Variants in DTX3 observed in about 807,000 individuals in gnomAD.
DTX3 encodes E3 ubiquitin-protein ligase DTX3.
A neutral mutation model predicts 27.4 loss-of-function variants in DTX3; 10 were observed. The observed-to-expected ratio is 0.36, with a 90% CI of 0.22 to 0.62. DTX3 has a LOEUF of 0.62. Among genes scored for constraint, DTX3 ranks in the 20% least tolerant of loss-of-function variants. The pLI is 0.68. For missense variants in DTX3, 319 were observed against 463.8 expected, an observed-to-expected ratio of 0.69 and a Z score of 2.87; for synonymous variants, 171 against 190.7, an observed-to-expected ratio of 0.90 and a Z score of 0.85.
rs1230911533 is a variant in DTX3 at position 57,609,120 on chromosome 12, G to T, written c.1012G>T (p.Glu338Ter). The change falls in exon 7 of 7, where the codon GAG (glutamate) becomes TAG (stop). Residue 338 changes from glutamate (E) to a stop codon, truncating the protein, a stop_gained. Transcript: ENST00000337737. LOFTEE classifies it high-confidence loss of function. ...DPTYLTRVQE[E>*]LRAKGITDD is the part of the protein sequence containing the mutation. ...CACCTACCTGACCCGGGTGCAAGAG[G>T]AGCTGAGAGCGAAGGGTATCACAGA... 1 of 1,614,006 alleles carries T rather than the reference G, an allele frequency of 6.2e-7. No homozygotes were observed. The highest frequency in any genetic ancestry group is 8.5e-7 in the Non-Finnish European group (1 of 1,180,024).
At position 57,609,116 on chromosome 12, in the gene DTX3, A is replaced by G. The variant is rs780137012; in HGVS notation, c.1008A>G (p.Gln336=). The change falls in exon 7 of 7, where the codon CAA becomes CAG. Residue 336 remains glutamine (Q), a synonymous_variant. Transcript: ENST00000337737. ...YPDPTYLTRV[Q]EELRAKGITD... ...ACCCCACCTACCTGACCCGGGTGCA[A>G]GAGGAGCTGAGAGCGAAGGGTATCA... 6.2e-7 allele frequency: 1 copy of G among 1,614,064 alleles called. No homozygotes were observed. Among genetic ancestry groups the G allele is most frequent in the Non-Finnish European group, 8.5e-7 (1 of 1,180,010 alleles).
intron 6 of DTX3, 71 bp from the exon 7 acceptor site, chr12:57,609,006 A>T: frequency 1.4e-6 from 2 of 1,417,014 alleles, no homozygotes; most frequent in Non-Finnish European, 2.0e-6. Flanking sequence ...ACCTAGAATG[A>T]GGGTGAGCAT....
At position 57,608,468 on chromosome 12, in the gene DTX3, G is replaced by A; in HGVS notation, c.751-52G>A. The A allele has an allele frequency of 6.6e-7, 1 of 1,514,140 alleles. No individual in the cohort carries two copies. Among genetic ancestry groups the A allele is most frequent in the Non-Finnish European group, 9.0e-7 (1 of 1,108,642 alleles). 93.8% of individuals were successfully genotyped at this position (1,514,140 alleles called of 1,614,324 possible). A position where few individuals can be genotyped will look rare whatever the true frequency, so the allele number is the denominator to read the frequency against. On this transcript the variant is annotated intron_variant, in intron 5 of 6. Transcript: ENST00000337737. The surrounding 1 kb of genome is among the most constrained non-coding windows in gnomAD (Gnocchi z 6.1). ...TGGATGACCCTCCTCTGGCATCTGGGCCTTAGGATGCCTGGCTGCTCACTG... is the reference window on the plus strand; with the variant it reads ...TGGATGACCCTCCTCTGGCATCTGGACCTTAGGATGCCTGGCTGCTCACTG...
In DTX3 at chr12:57,608,611, T is replaced by C; in HGVS notation, c.842T>C (p.Leu281Pro). The stretch of plus-strand genomic sequence containing the variant: ...CCTGAGGGCAACAAGGTGCTGACCC[T>C]GTTCCGCAAGGCGTTTGACCAGCGT... ...DCPEGNKVLT[L>P]FRKAFDQRLT... is the part of the protein sequence containing the mutation. Residue 281 changes from leucine to proline, a missense_variant, in exon 6 of 7, where the codon CTG becomes CCG. By Grantham distance (98) the Leu-to-Pro change is moderately conservative. Coordinates refer to ENST00000337737, the MANE Select transcript of DTX3 (RefSeq NM_178502.4). This position sits in a 1 kb window ranked among gnomAD's most constrained non-coding sequence, Gnocchi z 6.1. The C allele has an allele frequency of 6.2e-7, 1 of 1,614,194 alleles. No homozygotes were observed.
chr12:57,609,344 G>A lies in DTX3; in HGVS notation c.*192G>A, dbSNP rs753863707. 2.2e-5 allele frequency: 13 copies of A among 602,530 alleles called. No homozygotes were observed. The highest frequency in any genetic ancestry group is 3.6e-5 in the Non-Finnish European group (12 of 337,366). 37.3% of individuals were successfully genotyped at this position (602,530 alleles called of 1,614,324 possible). On this transcript the variant is annotated 3_prime_UTR_variant, in exon 7 of 7. Transcript: ENST00000337737. The stretch of plus-strand genomic sequence containing the variant: ...CTGGCCAAGTGTTTCAATGCAGTGT[G>A]AGCCACTCCCTTCTGGCAGAGGCCG...
At position 57,609,258 on chromosome 12, in the gene DTX3, A is replaced by T; in HGVS notation, c.*106A>T. The T allele has an allele frequency of 2.0e-6, 2 of 1,005,020 alleles. No homozygotes were observed. 62.3% of individuals were successfully genotyped at this position (1,005,020 alleles called of 1,614,324 possible). A position where few individuals can be genotyped will look rare whatever the true frequency, so the allele number is the denominator to read the frequency against. On this transcript the variant is annotated 3_prime_UTR_variant, in exon 7 of 7. Coordinates refer to ENST00000337737, the MANE Select transcript of DTX3 (RefSeq NM_178502.4). ...GCCCCCCACACCACACCTGTAGGGG[A>T]CCTGTCTGACTGGGAAGGGAGTTCC... is the stretch of plus-strand genomic sequence containing the variant.
At chr12:57,605,023 T>TC (rs1883649508) in intron 1 of DTX3, 165 bp downstream of exon 1, 1 of 151,992 alleles carries the variant, frequency 6.6e-6, no homozygotes, top group African/African-American at 2.4e-5. Context: ...TCTAGCACCC[T>TC]CCAGCCTTGG....
Position 57,607,678 on chromosome 12 carries a change from G to A in DTX3, c.750+65G>A, listed in dbSNP as rs1030193167. ...CCAAGCTCTGACCTAGGAAAACCGG[G>A]TGAGGGTGAGTGTGCTTGTTAGATG... On this transcript the variant is annotated intron_variant, in intron 5 of 6. Transcript: ENST00000337737. The surrounding 1 kb of genome is among the most constrained non-coding windows in gnomAD (Gnocchi z 7.7). 6 of 1,595,686 alleles carry A rather than the reference G, an allele frequency of 3.8e-6. No homozygotes were observed. The Admixed American group carries it at 6.7e-5, about 18-fold the overall frequency.
chr12:57,607,133 G>A lies in DTX3; in HGVS notation c.270G>A (p.Glu90=), dbSNP rs373435605. 2.9e-5 allele frequency: 47 copies of A among 1,614,090 alleles called. No homozygotes were observed. The highest frequency in any genetic ancestry group is 1.1e-4 in the East Asian group (5 of 44,878). ...KALKGLLKEA[E]KELKKAQRQG... Reference sequence around the variant, plus strand: ...TCAAGGGGCTGCTAAAAGAGGCAGAGAAAGAGCTGAAGAAAGCTCAGAGGC... The same window carrying A: ...TCAAGGGGCTGCTAAAAGAGGCAGAAAAAGAGCTGAAGAAAGCTCAGAGGC... The change falls in exon 5 of 7, where the codon GAG becomes GAA. Residue 90 remains glutamate, a synonymous_variant. Coordinates refer to ENST00000337737, the MANE Select transcript of DTX3 (RefSeq NM_178502.4). This position sits in a 1 kb window ranked among gnomAD's most constrained non-coding sequence, Gnocchi z 7.7.
In DTX3 at chr12:57,607,456, C is replaced by T. The variant is rs752018866; in HGVS notation, c.593C>T (p.Ala198Val). ...CITRALQVKK[A>V]CPMCGRFYGQ... ...ACCCGGGCTCTGCAGGTGAAAAAGGCCTGCCCCATGTGCGGCCGCTTCTAT... is the reference window on the plus strand; with the variant it reads ...ACCCGGGCTCTGCAGGTGAAAAAGGTCTGCCCCATGTGCGGCCGCTTCTAT... Residue 198 changes from alanine to valine, a missense_variant, in exon 5 of 7, where the codon GCC becomes GTC. Coordinates refer to ENST00000337737, the MANE Select transcript of DTX3 (RefSeq NM_178502.4). The surrounding 1 kb of genome is among the most constrained non-coding windows in gnomAD (Gnocchi z 7.7). The T allele has an allele frequency of 2.5e-6, 4 of 1,614,164 alleles. No individual in the cohort carries two copies. The highest frequency in any genetic ancestry group is 3.4e-6 in the Non-Finnish European group (4 of 1,180,022).
At position 57,607,239 on chromosome 12, in the gene DTX3, C is replaced by G; in HGVS notation, c.376C>G (p.Arg126Gly). Residue 126 changes from arginine (R) to glycine (G), a missense_variant, in exon 5 of 7, where the codon CGA becomes GGA. Transcript: ENST00000337737. The surrounding 1 kb of genome is among the most constrained non-coding windows in gnomAD (Gnocchi z 7.7). ...GCACCGCGCAGGCCCACCCCCTCTC[C>G]GAGCAGCCCCACTTCTGCCCCCAGG... ...EMHRAGPPPLRAAPLLPPGAR... is the reference protein window; with the variant it reads ...EMHRAGPPPLGAAPLLPPGAR... The G allele has an allele frequency of 6.2e-7, 1 of 1,603,364 alleles. No individual in the cohort carries two copies.
chr12:57,607,318 G>T lies in DTX3; in HGVS notation c.455G>T (p.Arg152Leu), dbSNP rs781527763. 6.7e-7 allele frequency: 1 copy of T among 1,485,728 alleles called. No individual in the cohort carries two copies. Among genetic ancestry groups the T allele is most frequent in the East Asian group, 2.8e-5 (1 of 35,608 alleles). The allele number at this position is 1,485,728 out of a possible 1,614,324, so 92.0% of individuals were successfully genotyped here. A position where few individuals can be genotyped will look rare whatever the true frequency, so the allele number is the denominator to read the frequency against. The stretch of plus-strand genomic sequence containing the variant: ...CCCCTGCCCCCACCTCTTCCTCCTC[G>T]CCTTCGGGAGGAGGCAGAAGAGCAG... ...PPPLPPPLPP[R>L]LREEAEEQES... The change falls in exon 5 of 7, where the codon CGC becomes CTC. Residue 152 changes from arginine (R) to leucine (L), a missense_variant. This residue lies in a region of DTX3 where 202 missense variants were observed against 205.3 expected (regional missense o/e 0.98). Coordinates refer to ENST00000337737, the MANE Select transcript of DTX3 (RefSeq NM_178502.4). This position sits in a 1 kb window ranked among gnomAD's most constrained non-coding sequence, Gnocchi z 7.7.
In DTX3 at chr12:57,608,684, C is replaced by T; in HGVS notation, c.915C>T (p.Val305=). The T allele has an allele frequency of 1.2e-6, 2 of 1,614,204 alleles. No homozygotes were observed. The highest frequency in any genetic ancestry group is 8.5e-7 in the Non-Finnish European group (1 of 1,180,032). ...CCATGACCACAGGGAGACCGAATGT[C>T]ATCACCTGGAACGACATCCACCACA... The part of the protein sequence containing the change: ...GTSMTTGRPN[V]ITWNDIHHKT... The change falls in exon 6 of 7, where the codon GTC becomes GTT. Residue 305 remains valine, a synonymous_variant. Transcript: ENST00000337737. The surrounding 1 kb of genome is among the most constrained non-coding windows in gnomAD (Gnocchi z 6.1).
Position 57,608,370 on chromosome 12 carries a change from C to G in DTX3, c.751-150C>G. ...TTGCTGCCGAGGCCGTATAATCTCT[C>G]CTTCTGTGGAAAGCTGTCAGCCTGT... On this transcript the variant is annotated intron_variant, in intron 5 of 6. Transcript: ENST00000337737. This position sits in a 1 kb window ranked among gnomAD's most constrained non-coding sequence, Gnocchi z 6.1. The G allele has an allele frequency of 1.5e-6, 1 of 647,532 alleles. No homozygotes were observed. Among genetic ancestry groups the G allele is most frequent in the South Asian group, 2.1e-5 (1 of 48,338 alleles). The allele number at this position is 647,532 out of a possible 1,614,324, so 40.1% of individuals were successfully genotyped here. A position where few individuals can be genotyped will look rare whatever the true frequency, so the allele number is the denominator to read the frequency against.
In DTX3 at chr12:57,609,305, T is replaced by G; in HGVS notation, c.*153T>G. ...TTCCGAGAGGGAGGGGGCAATCCCT[T>G]CCCCCATCCCCCACTGGCCAAGTGT... On this transcript the variant is annotated 3_prime_UTR_variant, in exon 7 of 7. Transcript: ENST00000337737. 1.5e-6 allele frequency: 1 copy of G among 672,106 alleles called. No homozygotes were observed. Among genetic ancestry groups the G allele is most frequent in the Non-Finnish European group, 2.6e-6 (1 of 385,036 alleles). 41.6% of individuals were successfully genotyped at this position (672,106 alleles called of 1,614,324 possible).
Position 57,606,264 on chromosome 12 carries a change from G to T in DTX3, c.-76+12G>T, listed in dbSNP as rs151324459. 3.3e-5 allele frequency: 17 copies of T among 518,500 alleles called. No homozygotes were observed. In the South Asian group the frequency reaches 4.3e-4, roughly 13 times the overall value. 32.1% of individuals were successfully genotyped at this position (518,500 alleles called of 1,614,324 possible). A position where few individuals can be genotyped will look rare whatever the true frequency, so the allele number is the denominator to read the frequency against. On this transcript the variant is annotated intron_variant, in intron 3 of 6. Transcript: ENST00000337737. ...CATGGGCTTTCCAGGTATCTCCCCC[G>T]CAAGGGATCCTCAATTTTCACCCTT...
chr12:57,609,284 G>A lies in DTX3; in HGVS notation c.*132G>A. 2 of 790,880 alleles carry A rather than the reference G, an allele frequency of 2.5e-6. No homozygotes were observed. The highest frequency in any genetic ancestry group is 2.1e-6 in the Non-Finnish European group (1 of 478,634). The allele number at this position is 790,880 out of a possible 1,614,324, so 49.0% of individuals were successfully genotyped here. A position where few individuals can be genotyped will look rare whatever the true frequency, so the allele number is the denominator to read the frequency against. On this transcript the variant is annotated 3_prime_UTR_variant, in exon 7 of 7. Coordinates refer to ENST00000337737, the MANE Select transcript of DTX3 (RefSeq NM_178502.4). ...CCTGTCTGACTGGGAAGGGAGTTCC[G>A]AGAGGGAGGGGGCAATCCCTTCCCC... is the stretch of plus-strand genomic sequence containing the variant.
rs779919915 is a variant in DTX3, at chr12:57,606,916, A to G, written c.53A>G (p.Lys18Arg). Reference sequence around the variant, plus strand: ...GCCTGTGGAGGCACCTGCAAGAACAAAGTGACTGTGTCCAAGCCCGTGTGG... The same window carrying G: ...GCCTGTGGAGGCACCTGCAAGAACAGAGTGACTGTGTCCAAGCCCGTGTGG... ...MAACGGTCKNKVTVSKPVWDF... is the reference protein window; with the variant it reads ...MAACGGTCKNRVTVSKPVWDF... The change falls in exon 5 of 7, where the codon AAA becomes AGA. Residue 18 changes from lysine (K) to arginine (R), a missense_variant. This residue lies in a region of DTX3 where 202 missense variants were observed against 205.3 expected (regional missense o/e 0.98). Coordinates refer to ENST00000337737, the MANE Select transcript of DTX3 (RefSeq NM_178502.4). 4 of 1,614,164 alleles carry G rather than the reference A, an allele frequency of 2.5e-6. No homozygotes were observed. The highest frequency in any genetic ancestry group is 3.4e-6 in the Non-Finnish European group (4 of 1,180,010).
Position 57,608,806 on chromosome 12 carries a change from C to T in DTX3, c.968+69C>T. On this transcript the variant is annotated intron_variant, in intron 6 of 6. Coordinates refer to ENST00000337737, the MANE Select transcript of DTX3 (RefSeq NM_178502.4). The surrounding 1 kb of genome is among the most constrained non-coding windows in gnomAD (Gnocchi z 6.1). Reference sequence around the variant, plus strand: ...GTTCCATTTCCACTGAGGGACCCACCAACCCCTCGCTCACGGAGCCTCCTA... The same window carrying T: ...GTTCCATTTCCACTGAGGGACCCACTAACCCCTCGCTCACGGAGCCTCCTA... 1 of 1,546,156 alleles carries T rather than the reference C, an allele frequency of 6.5e-7. No individual in the cohort carries two copies. The highest frequency in any genetic ancestry group is 1.4e-5 in the African/African-American group (1 of 73,306).
Sources: allele counts gnomAD v4.1 joint callset, GRCh38; gene constraint gnomAD v4.1.1; regional missense constraint gnomAD v4.1.1; non-coding constraint Gnocchi (gnomAD v3.1); transcripts MANE v1.5; gene names NCBI Gene and HGNC (gene_info 2026-07-23, HGNC 2026-07-21).